CAMK2B: variants seen among roughly 807,000 people sequenced by gnomAD.
The protein encoded by CAMK2B is calcium/calmodulin dependent protein kinase II beta.
A neutral mutation model predicts 93.7 loss-of-function variants in CAMK2B; 27 were observed. The observed-to-expected ratio is 0.29, with a 90% CI of 0.21 to 0.40. CAMK2B has a LOEUF of 0.40. Ranked by LOEUF, CAMK2B falls within the 10% of genes least tolerant of loss-of-function variation. The probability of loss-of-function intolerance (pLI) is 1.00; values close to 1 mark genes in which losing one functional copy is unlikely to be tolerated. For missense variants in CAMK2B, 568 were observed against 895.8 expected (o/e 0.63, Z 4.67); for synonymous variants, 374 against 358.8 (o/e 1.04, Z -0.48).
chr7:44,231,152 G>T (rs1031876731), intron 16 of CAMK2B, 98 bp from the exon 17 acceptor site: 1 of 641,400 alleles, frequency 1.6e-6, no homozygotes, highest in Non-Finnish European at 2.5e-6. Context: ...GTCAGGACCA[G>T]CCCAGGCTCT....
At chr7:44,246,814 C>T (rs1056887748) in intron 6 of CAMK2B, among the ~76,000 whole-genome samples, 2 of 152,172 alleles carry the variant, frequency 1.3e-5, no homozygotes, top group African/African-American at 4.8e-5. Flanking sequence ...TATGCACATG[C>T]ACACACATAC....
At chr7:44,245,579 C>A (rs1320166324) in intron 6 of CAMK2B, among the ~76,000 whole-genome samples, 1 of 152,138 alleles carries the variant, frequency 6.6e-6, no homozygotes, top group Non-Finnish European at 1.5e-5. Flanking sequence ...GTCCTAGCAC[C>A]AACCCACGTG....
At chr7:44,253,215 G>GTTT (rs528489020) in intron 5 of CAMK2B, among the ~76,000 whole-genome samples, 1 of 146,206 alleles carries the variant, frequency 6.8e-6, no homozygotes, top group African/African-American at 2.5e-5. Flanking sequence ...TTTTTTTTTG[G>GTTT]TTTTTTTTTT....
intron 2 of CAMK2B, among the ~76,000 whole-genome samples, chr7:44,277,630 C>T (rs1386558832): frequency 2.0e-5 from 3 of 152,192 alleles, no homozygotes; most frequent in African/African-American, 7.2e-5. Context: ...TGGCGCTAGA[C>T]CCAAATCAGG....
intron 1 of CAMK2B, among the ~76,000 whole-genome samples, chr7:44,293,558 C>T (rs558908531): frequency 1.2e-3 from 180 of 152,276 alleles, no homozygotes; most frequent in African/African-American, 4.2e-3. Flanking sequence ...GCAATTTTTC[C>T]ACAGACTGGG....
intron 2 of CAMK2B, among the ~76,000 whole-genome samples, chr7:44,278,701 G>C (rs535214736): frequency 2.0e-5 from 3 of 152,224 alleles, no homozygotes; most frequent in Non-Finnish European, 2.9e-5. Flanking sequence ...TCAGCAGACC[G>C]TCCAGCGCTG....
chr7:44,219,931 G>A (rs1015150600), intron 23 of CAMK2B, 129 bp downstream of exon 23: 7 of 758,234 alleles, frequency 9.2e-6, no homozygotes, highest in Admixed American at 8.2e-5. Flanking sequence ...GCCTCACCAG[G>A]AAAGCTCAGG....
intron 18 of CAMK2B, 53 bp downstream of exon 18, chr7:44,229,335 G>A (rs1002695970): frequency 4.7e-6 from 6 of 1,281,530 alleles, no homozygotes; most frequent in African/African-American, 4.5e-5. Context: ...CCCTCTAGGG[G>A]GTTGCCAGCC....
chr7:44,233,896 G>A (rs573160709), intron 15 of CAMK2B, among the ~76,000 whole-genome samples: 4 of 152,302 alleles, frequency 2.6e-5, no homozygotes, highest in Non-Finnish European at 4.4e-5. Flanking sequence ...CCGTGGCCCC[G>A]TCTCCCCATG....
chr7:44,232,448 C>T lies in CAMK2B; in HGVS notation c.1176+374G>A, dbSNP rs371219436. Among the ~76,000 whole-genome samples the T allele has an allele frequency of 3.9e-4, 59 of 152,154 alleles. No homozygotes were observed. In the South Asian group the frequency reaches 7.5e-3, roughly 19 times the overall value. On this transcript the variant is annotated intron_variant, in intron 16 of 23. Transcript: ENST00000395749. ...GCTCAGCAGGAAGCACTGGGGGCCACGTGAGGGAGGTGGGGTGGAGGACAG... is the reference window on the plus strand; with the variant it reads ...GCTCAGCAGGAAGCACTGGGGGCCATGTGAGGGAGGTGGGGTGGAGGACAG...
At position 44,228,792 on chromosome 7, in the gene CAMK2B, T is replaced by C. The variant is rs1211005635; in HGVS notation, c.1468+4A>G. On this transcript the variant is annotated splice_donor_region_variant and intron_variant, in intron 19 of 23. Transcript: ENST00000395749. ...AGGCGGCAGGCCTGGGGGCCACTAC[T>C]TACACGGGGAGGACAGGGGGCCTAG... The C allele has an allele frequency of 8.8e-6, 13 of 1,477,098 alleles. No homozygotes were observed. Among genetic ancestry groups the C allele is most frequent in the Non-Finnish European group, 1.1e-5 (12 of 1,116,620 alleles). 91.5% of individuals were successfully genotyped at this position (1,477,098 alleles called of 1,614,324 possible).
intron 13 of CAMK2B, among the ~76,000 whole-genome samples, chr7:44,236,861 T>A (rs910216008): frequency 3.3e-5 from 5 of 152,138 alleles, no homozygotes; most frequent in African/African-American, 1.2e-4. Flanking sequence ...CCGACACAGC[T>A]GGGGGACGGG....
At position 44,325,434 on chromosome 7, in the gene CAMK2B, CG is replaced by C; in HGVS notation, c.-14del. 1 of 1,121,182 alleles carries C rather than the reference CG, an allele frequency of 8.9e-7. No individual in the cohort carries two copies. The highest frequency in any genetic ancestry group is 2.9e-5 in the South Asian group (1 of 34,586). The allele number at this position is 1,121,182 out of a possible 1,614,324, so 69.5% of individuals were successfully genotyped here. A position where few individuals can be genotyped will look rare whatever the true frequency, so the allele number is the denominator to read the frequency against. ...CCGTGGTGGCCATGGCGGCGGCGGA[CG>C]GGCTCGGCGTGCGCTCGGCTGCGCT... is the stretch of plus-strand genomic sequence containing the variant. On this transcript the variant is annotated 5_prime_UTR_variant, in exon 1 of 24. Coordinates refer to ENST00000395749, the MANE Select transcript of CAMK2B (RefSeq NM_001220.5).
chr7:44,283,156 C>G (rs1351684776), intron 2 of CAMK2B, among the ~76,000 whole-genome samples: 1 of 152,260 alleles, frequency 6.6e-6, no homozygotes, highest in Non-Finnish European at 1.5e-5. Flanking sequence ...AGGACCCCTG[C>G]CATAGTCCCT....
At position 44,312,583 on chromosome 7, in the gene CAMK2B, G is replaced by A. The variant is rs753232880; in HGVS notation, c.65+12774C>T. Among the ~76,000 whole-genome samples, 1 of 152,074 alleles carries A rather than the reference G, an allele frequency of 6.6e-6. No individual in the cohort carries two copies. The highest frequency in any genetic ancestry group is 2.4e-5 in the African/African-American group (1 of 41,402). ...GTGAGGGGGGTGCCCAGTGGCCATC[G>A]TCACCACACCAGGAAGAGCCTAGAA... On this transcript the variant is annotated intron_variant, in intron 1 of 23. Coordinates refer to ENST00000395749, the MANE Select transcript of CAMK2B (RefSeq NM_001220.5). This position sits in a 1 kb window ranked among gnomAD's most constrained non-coding sequence, Gnocchi z 4.1.
At chr7:44,256,700 G>A (rs2096836964) in intron 4 of CAMK2B, among the ~76,000 whole-genome samples, 1 of 152,250 alleles carries the variant, frequency 6.6e-6, no homozygotes, top group African/African-American at 2.4e-5. Context: ...GTGGCTAAAA[G>A]GCCTTACGGT....
chr7:44,263,054 C>T lies in CAMK2B; in HGVS notation c.171G>A (p.Lys57=), dbSNP rs780253513. ...TKKLSARDHQ[K]LEREARICRL... Reference sequence around the variant, plus strand: ...GGCAGATCCGAGCCTCTCTCTCCAGCTTCTGGTGATCTGGGGGACAGGAAA... The same window carrying T: ...GGCAGATCCGAGCCTCTCTCTCCAGTTTCTGGTGATCTGGGGGACAGGAAA... Residue 57 remains lysine, a synonymous_variant, in exon 3 of 24, where the codon AAG becomes AAA. Transcript: ENST00000395749. The T allele has an allele frequency of 2.5e-6, 4 of 1,613,730 alleles. No individual in the cohort carries two copies. The highest frequency in any genetic ancestry group is 3.4e-6 in the Non-Finnish European group (4 of 1,179,788).
chr7:44,219,750 C>T, intron 23 of CAMK2B: 1 of 447,852 alleles, frequency 2.2e-6, no homozygotes, highest in Non-Finnish European at 4.0e-6. Context: ...TCTAACAGTC[C>T]TCACAAACAG....
chr7:44,321,226 C>T (rs958228841), intron 1 of CAMK2B, among the ~76,000 whole-genome samples: 2 of 152,232 alleles, frequency 1.3e-5, no homozygotes, highest in Non-Finnish European at 2.9e-5. Flanking sequence ...TATCTATTAA[C>T]TACCTAACAG....
Sources: allele counts gnomAD v4.1 joint callset (sites outside exome capture counted in the v4.1 genomes callset), GRCh38; gene constraint gnomAD v4.1.1; non-coding constraint Gnocchi (gnomAD v3.1); transcripts MANE v1.5; gene names NCBI Gene and HGNC (gene_info 2026-07-23, HGNC 2026-07-21).